The following HSD17B14 variants were observed in gnomAD, a reference collection of about 807,000 sequenced individuals.
HSD17B14 encodes the protein L-fucose dehydrogenase.
HSD17B14 carries 32 observed loss-of-function variants against 32.2 expected under a neutral mutation model. The ratio of observed to expected loss-of-function variants is 0.99; its 90% CI spans 0.75 to 1.33. HSD17B14 has a LOEUF of 1.33. HSD17B14 is among the 40% of genes most tolerant of loss of function. The pLI, the probability that HSD17B14 is intolerant of heterozygous loss-of-function variation, is 0.00. For missense variants in HSD17B14, 370 were observed against 366.5 expected (o/e 1.01, Z -0.08); for synonymous variants, 140 against 155.4 (o/e 0.90, Z 0.74).
chr19:48,835,875 G>C (rs911984517), intron 1 of HSD17B14, 32 bp from the exon 2 acceptor site: 1 of 1,610,926 alleles, frequency 6.2e-7, no homozygotes, highest in East Asian at 2.2e-5. Context: ...GTTACTCTCC[G>C]AGCCTTGGTT....
Position 48,831,760 on chromosome 19 carries a change from C to G in HSD17B14, c.278-1G>C, listed in dbSNP as rs774785810. 6.3e-7 allele frequency: 1 copy of G among 1,598,522 alleles called. No individual in the cohort carries two copies. The highest frequency in any genetic ancestry group is 1.1e-5 in the South Asian group (1 of 90,698). On this transcript the variant is annotated splice_acceptor_variant, in intron 4 of 8. Coordinates refer to ENST00000263278, the MANE Select transcript of HSD17B14 (RefSeq NM_016246.3). LOFTEE classifies it high-confidence loss of function. ...TCCTCAGGCCTCTGTGGGGGTGGGT[C>G]TAAAGTGGGGGGTGAGAGAGAGAGG... is the stretch of plus-strand genomic sequence containing the variant.
intron 4 of HSD17B14, 33 bp from the exon 5 acceptor site, chr19:48,831,792 G>T: frequency 7.8e-7 from 1 of 1,285,120 alleles, no homozygotes; most frequent in Non-Finnish European, 1.1e-6. Context: ...GAGGAAAAGT[G>T]ACGGGGGCTG....
In HSD17B14 at chr19:48,832,670, G is replaced by A; in HGVS notation, c.273C>T (p.Gly91=). The part of the protein sequence containing the change: ...GRLDCVVNNA[G]HHPPPQRPEE... ...CCCTGGGGTCTCACAACTCACGGTG[G>A]CCAGCGTTGTTGACAACACAATCCA... Residue 91 remains glycine (G), a synonymous_variant, in exon 4 of 9, where the codon GGC becomes GGT. Coordinates refer to ENST00000263278, the MANE Select transcript of HSD17B14 (RefSeq NM_016246.3). The A allele has an allele frequency of 1.2e-6, 2 of 1,613,056 alleles. No individual in the cohort carries two copies. The highest frequency in any genetic ancestry group is 1.7e-6 in the Non-Finnish European group (2 of 1,179,592).
chr19:48,825,570 C>A lies in HSD17B14; in HGVS notation c.369+6098G>T, dbSNP rs1486902773. ...AAGTGATTTTCCCACCTCAGCCTCCCGAAGTGCTGAGATTGCAGCATGATA... is the reference window on the plus strand; with the variant it reads ...AAGTGATTTTCCCACCTCAGCCTCCAGAAGTGCTGAGATTGCAGCATGATA... On this transcript the variant is annotated intron_variant, in intron 5 of 8. Coordinates refer to ENST00000263278, the MANE Select transcript of HSD17B14 (RefSeq NM_016246.3). 2.0e-5 allele frequency among the ~76,000 whole-genome samples: 3 copies of A among 151,998 alleles called. No individual in the cohort carries two copies. In the East Asian group the frequency reaches 5.8e-4, roughly 29 times the overall value.
At chr19:48,830,778 C>T (rs534356331) in intron 5 of HSD17B14, among the ~76,000 whole-genome samples, 1 of 152,208 alleles carries the variant, frequency 6.6e-6, no homozygotes, top group South Asian at 2.1e-4. Flanking sequence ...TTGCCTCGGC[C>T]TCCCAAAGTG....
chr19:48,831,467 C>A (rs777340327), intron 5 of HSD17B14, among the ~76,000 whole-genome samples: 1 of 151,796 alleles, frequency 6.6e-6, no homozygotes, highest in Non-Finnish European at 1.5e-5. Flanking sequence ...GCACGAGAAT[C>A]GCTTGAACCC....
At chr19:48,826,063 G>A (rs2035240207) in intron 5 of HSD17B14, among the ~76,000 whole-genome samples, 2 of 151,404 alleles carry the variant, frequency 1.3e-5, no homozygotes, top group South Asian at 2.1e-4. Flanking sequence ...CTCGGGATCC[G>A]CCCGCCTCAG....
At chr19:48,835,938 C>A in intron 1 of HSD17B14, 95 bp from the exon 2 acceptor site, 1 of 1,041,340 alleles carries the variant, frequency 9.6e-7, no homozygotes, top group Non-Finnish European at 1.5e-6. Flanking sequence ...ATCTCCCTCT[C>A]CCCTCGTGAC....
rs573716013 is a variant in HSD17B14, at chr19:48,822,436, TGTA to T, written c.370-7298_370-7296del. Among the ~76,000 whole-genome samples the T allele has an allele frequency of 1.1e-4, 13 of 117,764 alleles. No individual in the cohort carries two copies. The South Asian group carries it at 1.1e-3, about 10-fold the overall frequency. 77.3% of individuals were successfully genotyped at this position (117,764 alleles called of 152,430 possible). ...TGGTGGTGATGATGGTGATGGTAAT[TGTA>T]GTGATGGTGGTGATGATGGTGAGGA... On this transcript the variant is annotated intron_variant, in intron 5 of 8. Coordinates refer to ENST00000263278, the MANE Select transcript of HSD17B14 (RefSeq NM_016246.3).
At chr19:48,826,121 A>C (rs115426132) in intron 5 of HSD17B14, among the ~76,000 whole-genome samples, 122 of 152,166 alleles carry the variant, frequency 8.0e-4, no homozygotes, top group African/African-American at 2.8e-3. Context: ...TGCCCAGCCC[A>C]ACTTGACCAA....
At chr19:48,834,251 G>T in intron 3 of HSD17B14, 25 bp downstream of exon 3, 1 of 1,583,296 alleles carries the variant, frequency 6.3e-7, no homozygotes, top group Non-Finnish European at 8.7e-7. Flanking sequence ...GCGGAGATGG[G>T]GGTAGGAACA....
chr19:48,813,790 C>T, intron 6 of HSD17B14, 60 bp from the exon 7 acceptor site: 1 of 1,586,572 alleles, frequency 6.3e-7, no homozygotes, highest in Non-Finnish European at 8.7e-7. Flanking sequence ...CCCTGCCATC[C>T]ATTGTCTCCT....
intron 5 of HSD17B14, among the ~76,000 whole-genome samples, chr19:48,826,528 A>AATATATATATATATATATATAT (rs1555776984): frequency 3.9e-3 from 90 of 23,052 alleles, no homozygotes; most frequent in East Asian, 0.016. Flanking sequence ...AAAAGAAGAA[A>AATATATATATATATATATATAT]ATATATATAT....
intron 2 of HSD17B14, among the ~76,000 whole-genome samples, chr19:48,834,965 G>C (rs1599847109): frequency 3.4e-5 from 1 of 29,056 alleles, no homozygotes; most frequent in Non-Finnish European, 6.1e-5. Context: ...GGGAGGAGGG[G>C]CTGGGGGCCT....
chr19:48,824,530 G>C (rs2035211458), intron 5 of HSD17B14, among the ~76,000 whole-genome samples: 1 of 151,824 alleles, frequency 6.6e-6, no homozygotes, highest in Admixed American at 6.6e-5. Flanking sequence ...CAGCACTTTG[G>C]GAGGCTGAAG....
chr19:48,823,940 C>G (rs77470318), intron 5 of HSD17B14, among the ~76,000 whole-genome samples: 33,715 of 149,662 alleles, frequency 0.23, 3,915 homozygotes, highest in Admixed American at 0.26. Context: ...TGCATCCGGT[C>G]TATTTTTCTT....
intron 5 of HSD17B14, among the ~76,000 whole-genome samples, chr19:48,823,501 A>G (rs974369263): frequency 6.6e-6 from 1 of 152,144 alleles, no homozygotes; most frequent in Non-Finnish European, 1.5e-5. Flanking sequence ...ATACTTTATA[A>G]TACTTTGACA....
chr19:48,825,824 T>C (rs1157244377), intron 5 of HSD17B14, among the ~76,000 whole-genome samples: 1 of 151,742 alleles, frequency 6.6e-6, no homozygotes, highest in Non-Finnish European at 1.5e-5. Context: ...CCAACTTTAT[T>C]TATTTATTTA....
intron 5 of HSD17B14, among the ~76,000 whole-genome samples, chr19:48,825,443 G>A (rs1450272653): frequency 6.6e-6 from 1 of 151,740 alleles, no homozygotes; most frequent in Admixed American, 6.6e-5. Context: ...GAGTAGCTGC[G>A]ACTACAGATG....
Sources: allele counts gnomAD v4.1 joint callset (sites outside exome capture counted in the v4.1 genomes callset), GRCh38; gene constraint gnomAD v4.1.1; transcripts MANE v1.5; gene names NCBI Gene and HGNC (gene_info 2026-07-23, HGNC 2026-07-21).